The following PPP4R4 variants were observed in gnomAD, a reference collection of about 807,000 sequenced individuals.
PPP4R4 encodes the protein serine/threonine-protein phosphatase 4 regulatory subunit 4.
In PPP4R4, 70 loss-of-function variants were observed where a neutral mutation model predicts 121.8. The ratio of observed to expected loss-of-function variants is 0.57; its 90% CI spans 0.47 to 0.70. PPP4R4 has a LOEUF of 0.70. Ranked by LOEUF, PPP4R4 falls within the 30% of genes least tolerant of loss-of-function variation. PPP4R4 has a pLI of 0.00. For synonymous variants in PPP4R4, 348 were observed against 355.7 expected, an observed-to-expected ratio of 0.98 and a Z score of 0.24; for missense variants, 875 against 1,033.6, an observed-to-expected ratio of 0.85 and a Z score of 2.10.
chr14:94,249,979 A>T (rs994844837), intron 14 of PPP4R4, among the ~76,000 whole-genome samples, 193 bp from the exon 15 acceptor site: 4 of 152,078 alleles, frequency 2.6e-5, no homozygotes, highest in Non-Finnish European at 5.9e-5. Flanking sequence ...ACTTTGTAAT[A>T]TAATTATTGG....
intron 2 of PPP4R4, among the ~76,000 whole-genome samples, chr14:94,183,714 AT>A (rs1377503635): frequency 6.6e-6 from 1 of 152,210 alleles, no homozygotes; most frequent in Non-Finnish European, 1.5e-5. Context: ...AGTGACCCAT[AT>A]AATGTCATTG....
rs553926823 is a variant in PPP4R4, at chr14:94,263,848, T to C, written c.2128-1030T>C. 2.0e-5 allele frequency among the ~76,000 whole-genome samples: 3 copies of C among 152,354 alleles called. No individual in the cohort carries two copies. In the South Asian group the frequency reaches 6.2e-4, roughly 32 times the overall value. ...GATTTTTTTATGTAGTCCACTTCTA[T>C]GTGGAAATTCTTTATCTTATTTTCT... On this transcript the variant is annotated intron_variant, in intron 19 of 24. Transcript: ENST00000304338.
At chr14:94,233,928 T>C (rs113158305) in intron 6 of PPP4R4, among the ~76,000 whole-genome samples, 169 bp downstream of exon 6, 1,868 of 152,328 alleles carry the variant, frequency 0.012, 48 homozygotes, top group African/African-American at 0.042. Flanking sequence ...CAGATGCCTT[T>C]CTTTTCAATC....
At chr14:94,252,805 T>G (rs960201324) in intron 16 of PPP4R4, among the ~76,000 whole-genome samples, 1 of 152,204 alleles carries the variant, frequency 6.6e-6, no homozygotes, top group East Asian at 1.9e-4. Flanking sequence ...GCACTTAGTC[T>G]TATGCATCTG....
Position 94,246,395 on chromosome 14 carries a change from T to C in PPP4R4, c.1467T>C (p.Ala489=), listed in dbSNP as rs368284534. Residue 489 remains alanine, a synonymous_variant, in exon 14 of 25, where the codon GCT becomes GCC. Transcript: ENST00000304338. The part of the protein sequence containing the change: ...SLPDLIPALT[A]AEQRAAASLK... Reference sequence around the variant, plus strand: ...CTGACTTGATTCCAGCACTCACAGCTGCTGAACAGCGAGCTGCAGCCTCTT... The same window carrying C: ...CTGACTTGATTCCAGCACTCACAGCCGCTGAACAGCGAGCTGCAGCCTCTT... The C allele has an allele frequency of 6.2e-7, 1 of 1,613,290 alleles. No individual in the cohort carries two copies. The highest frequency in any genetic ancestry group is 1.3e-5 in the African/African-American group (1 of 74,862).
Position 94,264,904 on chromosome 14 carries a change from G to T in PPP4R4, c.2154G>T (p.Gln718His). The T allele has an allele frequency of 1.2e-6, 2 of 1,605,390 alleles. No individual in the cohort carries two copies. The highest frequency in any genetic ancestry group is 1.7e-6 in the Non-Finnish European group (2 of 1,177,494). ...AACAATTAGAGAAAGAAAAGCAACA[G>T]AATGATGGAAGGCCCATGAGTGATA... ...EMEQLEKEKQ[Q>H]NDGRPMSDKM... The change falls in exon 20 of 25, where the codon CAG becomes CAT. Residue 718 changes from glutamine to histidine, a missense_variant. Coordinates refer to ENST00000304338, the MANE Select transcript of PPP4R4 (RefSeq NM_058237.2).
rs1171453861 is a variant in PPP4R4 at position 94,176,062 on chromosome 14, A to G, written c.126A>G (p.Glu42=). The G allele has an allele frequency of 1.2e-6, 2 of 1,612,156 alleles. No individual in the cohort carries two copies. The highest frequency in any genetic ancestry group is 2.7e-5 in the African/African-American group (2 of 74,902). ...TATTTTACCCTTGACAGACACCGGA[A>G]GAAATAGAAAGATTGACAGTCGATG... ...RPVRRSLKTP[E]EIERLTVDED... is the part of the protein sequence containing the mutation. The change falls in exon 2 of 25, where the codon GAA becomes GAG. Residue 42 remains glutamate (E), a synonymous_variant. Transcript: ENST00000304338.
At chr14:94,214,230 T>G (rs1390286758) in intron 3 of PPP4R4, among the ~76,000 whole-genome samples, 1 of 152,180 alleles carries the variant, frequency 6.6e-6, no homozygotes, top group Non-Finnish European at 1.5e-5. Context: ...AGGAACAGAA[T>G]TTGTTTGGAA....
chr14:94,224,681 C>T (rs1891598419), intron 3 of PPP4R4, among the ~76,000 whole-genome samples: 1 of 152,038 alleles, frequency 6.6e-6, no homozygotes, highest in African/African-American at 2.4e-5. Context: ...GGACTTGTTA[C>T]CTTTGAGATA....
chr14:94,242,095 A>T (rs1339726271), intron 10 of PPP4R4, 138 bp downstream of exon 10: 30 of 1,144,570 alleles, frequency 2.6e-5, no homozygotes, highest in Non-Finnish European at 3.7e-5. Flanking sequence ...GTGCAGAGTA[A>T]ATATTTGTGA....
intron 2 of PPP4R4, among the ~76,000 whole-genome samples, chr14:94,208,187 G>A (rs1163266643): frequency 3.3e-5 from 5 of 151,906 alleles, no homozygotes; most frequent in South Asian, 2.1e-4. Flanking sequence ...TAATAGTCTC[G>A]AAACTTTTAG....
chr14:94,183,579 CTT>C (rs1171747027), intron 2 of PPP4R4, among the ~76,000 whole-genome samples: 1 of 152,164 alleles, frequency 6.6e-6, no homozygotes, highest in African/African-American at 2.4e-5. Context: ...GCATCTGTGT[CTT>C]TTTTCCTACT....
intron 23 of PPP4R4, 123 bp downstream of exon 23, chr14:94,267,152 C>T (rs758107897): frequency 2.2e-5 from 13 of 585,970 alleles, no homozygotes; most frequent in Non-Finnish European, 3.4e-5. Context: ...TTATCAGGTC[C>T]CTAAGAAATT....
At chr14:94,227,680 C>T (rs748740516) in intron 3 of PPP4R4, 12 of 1,059,334 alleles carry the variant, frequency 1.1e-5, no homozygotes, top group East Asian at 7.0e-5. Context: ...AGTTTGCATA[C>T]GTACAAAACC....
chr14:94,194,748 C>T (rs1042465435), intron 2 of PPP4R4, among the ~76,000 whole-genome samples: 4 of 152,030 alleles, frequency 2.6e-5, no homozygotes, highest in African/African-American at 9.7e-5. Context: ...GGACTATAGG[C>T]GCAGTACCCC....
At chr14:94,213,686 G>A (rs1462768459) in intron 3 of PPP4R4, among the ~76,000 whole-genome samples, 1 of 152,112 alleles carries the variant, frequency 6.6e-6, no homozygotes, top group Non-Finnish European at 1.5e-5. Context: ...TTGGAGTGAT[G>A]TGGCCACAAG....
At chr14:94,273,806 G>T (rs947324480) in intron 23 of PPP4R4, among the ~76,000 whole-genome samples, 1 of 151,908 alleles carries the variant, frequency 6.6e-6, no homozygotes, top group Non-Finnish European at 1.5e-5. Flanking sequence ...GGAACCATTG[G>T]ATATCCATAT....
intron 3 of PPP4R4, among the ~76,000 whole-genome samples, chr14:94,221,770 T>C (rs1016076672): frequency 6.6e-6 from 1 of 152,110 alleles, no homozygotes; most frequent in Non-Finnish European, 1.5e-5. Flanking sequence ...GAATATAAAA[T>C]GGTACAACAA....
At chr14:94,224,946 A>G (rs918070968) in intron 3 of PPP4R4, among the ~76,000 whole-genome samples, 6 of 152,188 alleles carry the variant, frequency 3.9e-5, no homozygotes, top group Non-Finnish European at 8.8e-5. Context: ...GGGTTTTGGC[A>G]AAATATTTAA....
Sources: allele counts gnomAD v4.1 joint callset (sites outside exome capture counted in the v4.1 genomes callset), GRCh38; gene constraint gnomAD v4.1.1; transcripts MANE v1.5; gene names NCBI Gene and HGNC (gene_info 2026-07-23, HGNC 2026-07-21).